Variants in DPP6 observed in about 807,000 individuals in gnomAD.
DPP6 encodes the protein dipeptidyl peptidase like 6, also known as A-type potassium channel modulatory protein DPP6.
Under a neutral mutation model 122.6 loss-of-function variants are expected in DPP6, and 69 were observed. The ratio of observed to expected loss-of-function variants is 0.56; its 90% CI spans 0.46 to 0.69. The LOEUF is 0.69. Ranked by LOEUF, DPP6 falls within the 30% of genes least tolerant of loss-of-function variation. The probability of loss-of-function intolerance (pLI) is 0.00; values close to 1 mark genes in which losing one functional copy is unlikely to be tolerated. For synonymous variants in DPP6, 418 were observed against 433.1 expected (o/e 0.97, Z 0.43); for missense variants, 928 against 1,116.9 (o/e 0.83, Z 2.41).
chr7:154,635,488 A>G (rs1835677371), intron 5 of DPP6, among the ~76,000 whole-genome samples: 1 of 152,252 alleles, frequency 6.6e-6, no homozygotes, highest in African/African-American at 2.4e-5. Flanking sequence ...AGTAGTTCAG[A>G]AGAAACGTAT....
chr7:154,728,020 T>G (rs1842153269), intron 8 of DPP6, 133 bp downstream of exon 8: 1 of 1,425,928 alleles, frequency 7.0e-7, no homozygotes, highest in African/African-American at 1.4e-5. Context: ...TCTGCAAAAT[T>G]TAAAAGATTT....
At chr7:154,881,198 T>C in intron 21 of DPP6, 1 of 481,838 alleles carries the variant, frequency 2.1e-6, no homozygotes, top group South Asian at 7.3e-5. Context: ...AGAGCTCTAA[T>C]ACATTCCTAA....
chr7:154,079,658 G>T (rs1230247013), intron 1 of DPP6, among the ~76,000 whole-genome samples: 1 of 152,010 alleles, frequency 6.6e-6, no homozygotes, highest in Admixed American at 6.6e-5. Flanking sequence ...AAGTGTTGTG[G>T]GCAGAGGCTG....
chr7:154,748,141 G>A (rs1843123695), intron 8 of DPP6, among the ~76,000 whole-genome samples: 1 of 152,186 alleles, frequency 6.6e-6, no homozygotes, highest in Non-Finnish European at 1.5e-5. Context: ...CCCACGTGGT[G>A]GACAGCAGCC....
At chr7:154,438,607 AG>A (rs1819104282) in intron 1 of DPP6, among the ~76,000 whole-genome samples, 1 of 152,136 alleles carries the variant, frequency 6.6e-6, no homozygotes, top group Admixed American at 6.5e-5. Context: ...TGGAAAGCCA[AG>A]AGGAGCTCAT....
chr7:154,296,062 A>C (rs1221762192), intron 1 of DPP6, among the ~76,000 whole-genome samples: 2 of 150,240 alleles, frequency 1.3e-5, no homozygotes, highest in Non-Finnish European at 3.0e-5. Context: ...CTCCTGCCTC[A>C]GCCTCCCGAG....
chr7:154,627,675 G>A lies in DPP6; in HGVS notation c.628-10146G>A, dbSNP rs565586163. Among the ~76,000 whole-genome samples the A allele has an allele frequency of 2.6e-5, 4 of 152,294 alleles. No individual in the cohort carries two copies. The South Asian group carries it at 8.3e-4, about 32-fold the overall frequency. On this transcript the variant is annotated intron_variant, in intron 5 of 25. Transcript: ENST00000377770. ...TAGGGAGGACTGATTCATTCAGGAA[G>A]TTTTCCATCATCCTTCAACTTCCGC...
In DPP6 at chr7:154,877,985, G is replaced by A. The variant is rs1002602171; in HGVS notation, c.2078+1885G>A. ...GCCGGCCCAGGCTGCGCTCTGGAGT[G>A]GAGTGGGCCTGGCTTCCTGGGTGGG... On this transcript the variant is annotated intron_variant, in intron 20 of 25. Coordinates refer to ENST00000377770, the MANE Select transcript of DPP6 (RefSeq NM_130797.4). The surrounding 1 kb of genome is among the most constrained non-coding windows in gnomAD (Gnocchi z 5.2). 6.6e-6 allele frequency among the ~76,000 whole-genome samples: 1 copy of A among 152,234 alleles called. No homozygotes were observed. Among genetic ancestry groups the A allele is most frequent in the Non-Finnish European group, 1.5e-5 (1 of 68,034 alleles).
At chr7:154,500,612 A>T (rs1030764464) in intron 3 of DPP6, among the ~76,000 whole-genome samples, 4 of 152,082 alleles carry the variant, frequency 2.6e-5, no homozygotes, top group Admixed American at 1.3e-4. Context: ...TGTTCTCTTG[A>T]CCGCTGCCAT....
chr7:154,719,982 C>T (rs966746683), intron 7 of DPP6, among the ~76,000 whole-genome samples: 76 of 152,290 alleles, frequency 5.0e-4, no homozygotes, highest in African/African-American at 1.8e-3. Context: ...ATCCTCTCCC[C>T]CATGCTCCTG....
chr7:154,812,443 C>T (rs1264471867), intron 16 of DPP6, among the ~76,000 whole-genome samples: 1 of 152,184 alleles, frequency 6.6e-6, no homozygotes, highest in South Asian at 2.1e-4. Context: ...AATTATTTCT[C>T]ACAGTTCTGG....
chr7:154,418,824 G>A (rs1817232765), intron 1 of DPP6, among the ~76,000 whole-genome samples: 1 of 152,178 alleles, frequency 6.6e-6, no homozygotes, highest in Admixed American at 6.5e-5. Flanking sequence ...ACTAAAATAA[G>A]CACCATGGAC....
intron 10 of DPP6, among the ~76,000 whole-genome samples, chr7:154,791,367 A>G (rs1797670115): frequency 6.6e-6 from 1 of 152,208 alleles, no homozygotes; most frequent in African/African-American, 2.4e-5. Flanking sequence ...AGGCCTCACA[A>G]TCATGGTGGA....
At chr7:154,846,240 A>G (rs904658812) in intron 16 of DPP6, among the ~76,000 whole-genome samples, 40 of 151,254 alleles carry the variant, frequency 2.6e-4, no homozygotes, top group African/African-American at 9.2e-4. Flanking sequence ...GTGGGTATAT[A>G]TATATAATTT....
intron 1 of DPP6, among the ~76,000 whole-genome samples, chr7:154,174,661 C>T (rs1382687399): frequency 1.3e-5 from 2 of 152,164 alleles, no homozygotes; most frequent in Non-Finnish European, 2.9e-5. Context: ...GGAAGCCTGG[C>T]TCTTTGCAGA....
chr7:154,710,522 G>A (rs556323885), intron 7 of DPP6, among the ~76,000 whole-genome samples: 52 of 152,172 alleles, frequency 3.4e-4, no homozygotes, highest in African/African-American at 1.2e-3. Flanking sequence ...GAAACCACTC[G>A]GGACCACATG....
intron 12 of DPP6, 72 bp from the exon 13 acceptor site, chr7:154,801,283 T>G: frequency 6.5e-7 from 1 of 1,542,290 alleles, no homozygotes; most frequent in Non-Finnish European, 8.8e-7. Context: ...CGGGGTGTAT[T>G]TTATCCTGGT....
intron 1 of DPP6, among the ~76,000 whole-genome samples, chr7:154,081,650 A>C (rs979599754): frequency 6.7e-6 from 1 of 148,678 alleles, no homozygotes; most frequent in Non-Finnish European, 1.5e-5. Context: ...AGGAGAGAAA[A>C]TCAAGGGACG....
intron 1 of DPP6, among the ~76,000 whole-genome samples, chr7:154,306,115 C>T (rs1199116493): frequency 6.6e-6 from 1 of 152,126 alleles, no homozygotes; most frequent in Non-Finnish European, 1.5e-5. Flanking sequence ...CTAGAGAAGC[C>T]GAAGGATAGA....
Sources: gnomAD v4.1 joint callset for allele counts (sites outside exome capture counted in the v4.1 genomes callset) on GRCh38, gnomAD v4.1.1 for gene constraint, Gnocchi (gnomAD v3.1) non-coding constraint, MANE v1.5 for transcripts, NCBI Gene and HGNC (gene_info 2026-07-23, HGNC 2026-07-21) for gene names.